Variants in DNAH9 observed in about 807,000 individuals in gnomAD.
The protein encoded by DNAH9 is DNAH9 variant protein.
Under a neutral mutation model 471.6 loss-of-function variants are expected in DNAH9, and 345 were observed. That is an observed-to-expected ratio of 0.73 (90% CI 0.67 to 0.80). DNAH9 has a LOEUF of 0.80. Among genes scored for constraint, DNAH9 ranks in the 30% least tolerant of loss-of-function variants. The pLI is 0.00. For missense variants in DNAH9, 5,407 were observed against 5,609.2 expected, an observed-to-expected ratio of 0.96 and a Z score of 1.15; for synonymous variants, 2,093 against 2,123.6, an observed-to-expected ratio of 0.99 and a Z score of 0.40.
chr17:11,886,796 C>A, intron 56 of DNAH9, 29 bp from the exon 57 acceptor site: 1 of 1,593,620 alleles, frequency 6.3e-7, no homozygotes. Flanking sequence ...TTGGTTGGAA[C>A]AGTGGGCTGC....
intron 44 of DNAH9, 140 bp downstream of exon 44, chr17:11,808,034 G>T: frequency 9.5e-7 from 1 of 1,051,294 alleles, no homozygotes; most frequent in East Asian, 2.7e-5. Context: ...TAGGTTCTGG[G>T]CTGGTGATGT....
intron 14 of DNAH9, among the ~76,000 whole-genome samples, chr17:11,657,046 CT>C (rs1357093120): frequency 2.0e-5 from 3 of 152,108 alleles, no homozygotes; most frequent in Non-Finnish European, 4.4e-5. Context: ...TATGTACAGT[CT>C]GATATAAGTT....
At chr17:11,741,916 T>C (rs1453316689) in intron 29 of DNAH9, among the ~76,000 whole-genome samples, 2 of 152,186 alleles carry the variant, frequency 1.3e-5, no homozygotes, top group Admixed American at 1.3e-4. Context: ...GCTAACATTA[T>C]CCAGCCCCTT....
intron 28 of DNAH9, 145 bp from the exon 29 acceptor site, chr17:11,738,735 G>T (rs575486657): frequency 1.4e-6 from 1 of 690,812 alleles, no homozygotes; most frequent in East Asian, 2.6e-5. Context: ...AGGGTCTGGG[G>T]TGTGGTCATC....
chr17:11,641,817 C>T lies in DNAH9; in HGVS notation c.1901+1433C>T, dbSNP rs565289722. ...TGTGTGTGCAGGAATTTATAGAGAT[C>T]CTTTCAGGAACAGCACTCATGAGGA... On this transcript the variant is annotated intron_variant, in intron 10 of 68. Transcript: ENST00000262442. Among the ~76,000 whole-genome samples the T allele has an allele frequency of 2.0e-5, 3 of 152,172 alleles. No homozygotes were observed. The East Asian group carries it at 5.8e-4, about 30-fold the overall frequency.
chr17:11,781,557 G>C (rs550846309), intron 39 of DNAH9, among the ~76,000 whole-genome samples: 7 of 152,314 alleles, frequency 4.6e-5, no homozygotes, highest in African/African-American at 1.7e-4. Flanking sequence ...ACACACGCCA[G>C]GTGCAGTGGC....
At chr17:11,778,875 G>A (rs1968564386) in intron 38 of DNAH9, among the ~76,000 whole-genome samples, 1 of 151,878 alleles carries the variant, frequency 6.6e-6, no homozygotes, top group Non-Finnish European at 1.5e-5. Context: ...GTGTGGTGGT[G>A]TATGCCTGTA....
chr17:11,898,257 T>C (rs540873505), intron 59 of DNAH9, among the ~76,000 whole-genome samples: 201 of 152,284 alleles, frequency 1.3e-3, no homozygotes, highest in African/African-American at 4.5e-3. Flanking sequence ...CCCAAGTAGC[T>C]GGGATTACCG....
Position 11,617,703 on chromosome 17 carries a change from CT to C in DNAH9, c.1116+87del, listed in dbSNP as rs1382137968. ...TCACAGGAGAGAAGAGACAAGTGTC[CT>C]TTTTTCTGGGCGAGGAAATAATTAT... is the stretch of plus-strand genomic sequence containing the variant. On this transcript the variant is annotated intron_variant, in intron 5 of 68. Coordinates refer to ENST00000262442, the MANE Select transcript of DNAH9 (RefSeq NM_001372.4). The C allele has an allele frequency of 2.4e-5, 24 of 992,402 alleles. No individual in the cohort carries two copies. The East Asian group carries it at 4.8e-4, about 20-fold the overall frequency. The allele number at this position is 992,402 out of a possible 1,614,324, so 61.5% of individuals were successfully genotyped here.
At chr17:11,926,035 G>GAAAAACAAAAAAAAAAAAAAAAAA (rs1974308518) in intron 62 of DNAH9, among the ~76,000 whole-genome samples, 1 of 59,896 alleles carries the variant, frequency 1.7e-5, no homozygotes, top group African/African-American at 7.9e-5. Context: ...GAGATTCTCT[G>GAAAAACAAAAAAAAAAAAAAAAAA]AAAAAAAAAA....
Position 11,962,083 on chromosome 17 carries a change from T to A in DNAH9, c.13060T>A (p.Ser4354Thr). 6.2e-7 allele frequency: 1 copy of A among 1,614,140 alleles called. No individual in the cohort carries two copies. Among genetic ancestry groups the A allele is most frequent in the Non-Finnish European group, 8.5e-7 (1 of 1,180,036 alleles). Residue 4354 changes from serine (S) to threonine (T), a missense_variant, in exon 68 of 69, where the codon TCG becomes ACG. Transcript: ENST00000262442. This position sits in a 1 kb window ranked among gnomAD's most constrained non-coding sequence, Gnocchi z 4.1. ...VWLTGFFNPQ[S>T]FLTAIMQSTA... ...GCTGACAGGCTTCTTCAACCCCCAG[T>A]CGTTCCTGACTGCCATCATGCAGTC...
In DNAH9 at chr17:11,810,384, G is replaced by A. The variant is rs1347977093; in HGVS notation, c.8707+15G>A. Reference sequence around the variant, plus strand: ...TTTGGCATCTGGTAAGAGATTCCTTGCACTTGGTGTCACTGATAAATTCCC... The same window carrying A: ...TTTGGCATCTGGTAAGAGATTCCTTACACTTGGTGTCACTGATAAATTCCC... On this transcript the variant is annotated intron_variant, in intron 45 of 68. Coordinates refer to ENST00000262442, the MANE Select transcript of DNAH9 (RefSeq NM_001372.4). 1 of 1,606,198 alleles carries A rather than the reference G, an allele frequency of 6.2e-7. No individual in the cohort carries two copies. The highest frequency in any genetic ancestry group is 2.2e-5 in the East Asian group (1 of 44,714).
intron 61 of DNAH9, among the ~76,000 whole-genome samples, chr17:11,906,486 G>C (rs149699076): frequency 0.011 from 1,706 of 152,166 alleles, 18 homozygotes; most frequent in South Asian, 0.023. Context: ...AATTAGCTAA[G>C]CATGGTGGCA....
chr17:11,804,243 T>A (rs531349181), intron 43 of DNAH9, among the ~76,000 whole-genome samples: 1 of 152,346 alleles, frequency 6.6e-6, no homozygotes, highest in South Asian at 2.1e-4. Flanking sequence ...AATTACTGAA[T>A]GTAGGTCAAT....
At position 11,611,669 on chromosome 17, in the gene DNAH9, A is replaced by C. The variant is rs1387607425; in HGVS notation, c.793A>C (p.Ile265Leu). ...WKSRYEDLKY[I>L]YNQLRTITVR... ...TTGCAGGTATGAAGATCTGAAATAC[A>C]TCTATAATCAACTGAGAACAATAAC... Residue 265 changes from isoleucine (I) to leucine (L), a missense_variant, in exon 4 of 69, where the codon ATC (isoleucine) becomes CTC (leucine). By Grantham distance (5) the Ile-to-Leu change is conservative (BLOSUM62 2). Around this residue, in one of 3 missense-constraint regions of DNAH9, gnomAD observed 767 missense variants for 692.5 expected, o/e 1.11. Coordinates refer to ENST00000262442, the MANE Select transcript of DNAH9 (RefSeq NM_001372.4). 6.2e-7 allele frequency: 1 copy of C among 1,614,082 alleles called. No homozygotes were observed. The highest frequency in any genetic ancestry group is 1.7e-5 in the Admixed American group (1 of 60,024).
At position 11,613,769 on chromosome 17, in the gene DNAH9, G is replaced by A. The variant is rs144163716; in HGVS notation, c.904+1989G>A. ...AAAAATATGAAGTAAGCAATAGAGTGCTACAGATTATACATATGTAGAACA... is the reference window on the plus strand; with the variant it reads ...AAAAATATGAAGTAAGCAATAGAGTACTACAGATTATACATATGTAGAACA... On this transcript the variant is annotated intron_variant, in intron 4 of 68. Coordinates refer to ENST00000262442, the MANE Select transcript of DNAH9 (RefSeq NM_001372.4). Among the ~76,000 whole-genome samples, 684 of 152,278 alleles carry A rather than the reference G, an allele frequency of 4.5e-3. 3 individuals carry two copies. The highest frequency in any genetic ancestry group is 0.016 in the African/African-American group (645 of 41,564).
At chr17:11,793,764 G>A in intron 42 of DNAH9, 100 bp downstream of exon 42, 1 of 1,064,780 alleles carries the variant, frequency 9.4e-7, no homozygotes, top group Non-Finnish European at 1.3e-6. Flanking sequence ...AATGGAGAAA[G>A]GCCAGAGTTT....
At chr17:11,798,957 T>C (rs766742827) in intron 43 of DNAH9, among the ~76,000 whole-genome samples, 10 of 152,144 alleles carry the variant, frequency 6.6e-5, no homozygotes, top group Non-Finnish European at 1.5e-4. Flanking sequence ...CCTTTCCTAC[T>C]CATTCTTCCT....
At chr17:11,953,001 G>C (rs1012311659) in intron 67 of DNAH9, among the ~76,000 whole-genome samples, 1 of 152,154 alleles carries the variant, frequency 6.6e-6, no homozygotes, top group African/African-American at 2.4e-5. Flanking sequence ...GCCAGAAAAG[G>C]GGAAAGTGGG....
Sources: gnomAD v4.1 joint callset for allele counts (sites outside exome capture counted in the v4.1 genomes callset) on GRCh38, gnomAD v4.1.1 for gene constraint, gnomAD v4.1.1 regional missense constraint, Gnocchi (gnomAD v3.1) non-coding constraint, MANE v1.5 for transcripts, NCBI Gene and HGNC (gene_info 2026-07-23, HGNC 2026-07-21) for gene names.